POLI: variants seen among roughly 807,000 people sequenced by gnomAD.
POLI encodes the protein DNA polymerase iota.
POLI carries 58 observed loss-of-function variants against 51.6 expected under a neutral mutation model. The ratio of observed to expected loss-of-function variants is 1.12; its 90% confidence interval spans 0.91 to 1.40. The LOEUF (loss-of-function observed/expected upper bound fraction) is 1.40, where lower values mean the gene tolerates loss of function less well. Ranked by LOEUF, POLI falls within the 40% of genes most tolerant of loss-of-function variation. The pLI is 0.00. For missense variants in POLI, 921 were observed against 871.3 expected, an observed-to-expected ratio of 1.06 and a Z score of -0.72; for synonymous variants, 322 against 299.7, an observed-to-expected ratio of 1.07 and a Z score of -0.77.
chr18:54,295,587 T>A lies in POLI; in HGVS notation c.*1120T>A. On this transcript the variant is annotated 3_prime_UTR_variant, in exon 10 of 10. Coordinates refer to ENST00000579534, the MANE Select transcript of POLI (RefSeq NM_007195.3). ...AAGTACACAAATATGAACCAAAGAG[T>A]AGCTTAAAAATACTTTCTTCTAGGT... 1.3e-6 allele frequency: 1 copy of A among 786,542 alleles called. No individual in the cohort carries two copies. Among genetic ancestry groups the A allele is most frequent in the Non-Finnish European group, 1.5e-6 (1 of 649,434 alleles). 48.7% of individuals were successfully genotyped at this position (786,542 alleles called of 1,614,324 possible).
In POLI at chr18:54,285,521, AGTGTGTGTGTGTGTGTGT is replaced by A. The variant is rs61280100; in HGVS notation, c.1067+1525_1067+1542del. On this transcript the variant is annotated intron_variant, in intron 7 of 9. Coordinates refer to ENST00000579534, the MANE Select transcript of POLI (RefSeq NM_007195.3). ...GACTTGCAAAAAAAAAAATTACAGGAGTGTGTGTGTGTGTGTGTGTGTGTGTGTGTGTGTATTTGTGTA... is the reference window on the plus strand; with the variant it reads ...GACTTGCAAAAAAAAAAATTACAGGAGTGTGTGTGTGTGTGTATTTGTGTA... Among the ~76,000 whole-genome samples, 9 of 144,760 alleles carry A rather than the reference AGTGTGTGTGTGTGTGTGT, an allele frequency of 6.2e-5. No homozygotes were observed. In the East Asian group the frequency reaches 1.9e-3, roughly 30 times the overall value. The allele number at this position is 144,760 out of a possible 152,430, so 95.0% of individuals were successfully genotyped here.
chr18:54,271,569 C>A, intron 2 of POLI, 84 bp downstream of exon 2: 2 of 981,934 alleles, frequency 2.0e-6, no homozygotes, highest in Non-Finnish European at 2.9e-6. Flanking sequence ...ATTTATTAAC[C>A]TTATTAAGAA....
intron 3 of POLI, among the ~76,000 whole-genome samples, chr18:54,317,707 TA>T (rs919856656): frequency 6.6e-6 from 1 of 151,736 alleles, no homozygotes; most frequent in Admixed American, 6.6e-5. Flanking sequence ...TTACAAAAAT[TA>T]AAAAAAATTA....
At chr18:54,299,244 G>A (rs953659360), downstream of POLI, among the ~76,000 whole-genome samples, 2 of 152,098 alleles carry the variant, frequency 1.3e-5, no homozygotes, top group Admixed American at 1.3e-4. Context: ...AGACCAACCT[G>A]GGCAACATGG....
At chr18:54,287,518 G>A in intron 8 of POLI, 107 bp downstream of exon 8, 1 of 716,556 alleles carries the variant, frequency 1.4e-6, no homozygotes, top group Non-Finnish European at 2.4e-6. Flanking sequence ...CAGGGAATTA[G>A]CAAGCAATTA....
chr18:54,294,619 C>T lies in POLI; in HGVS notation c.*152C>T, dbSNP rs1186143088. ...CAAGAATAGTTGCAAGAAGTAAATT[C>T]TGGCACAAAGCGTAAAAATATAACA... On this transcript the variant is annotated 3_prime_UTR_variant, in exon 10 of 10. Transcript: ENST00000579534. 7.7e-7 allele frequency: 1 copy of T among 1,299,498 alleles called. No individual in the cohort carries two copies. The highest frequency in any genetic ancestry group is 3.6e-5 in the Admixed American group (1 of 27,558). The allele number at this position is 1,299,498 out of a possible 1,614,324, so 80.5% of individuals were successfully genotyped here.
intron 3 of POLI, among the ~76,000 whole-genome samples, chr18:54,305,572 G>T (rs2088569154): frequency 7.0e-6 from 1 of 142,522 alleles, no homozygotes; most frequent in Non-Finnish European, 1.6e-5. Context: ...TCTGTTATTG[G>T]TGTATATGAA....
At chr18:54,309,454 T>A (rs2088637032) in intron 3 of POLI, among the ~76,000 whole-genome samples, 3 of 152,230 alleles carry the variant, frequency 2.0e-5, no homozygotes, top group African/African-American at 7.2e-5. Context: ...ATCCTTCCTC[T>A]GGAAGCTTTG....
chr18:54,291,758 C>T, intron 8 of POLI, 75 bp from the exon 9 acceptor site: 1 of 681,812 alleles, frequency 1.5e-6, no homozygotes, highest in South Asian at 2.4e-5. Flanking sequence ...ATTTTAATTT[C>T]TTAATCTCAG....
rs140269833 is a variant in POLI at position 54,309,871 on chromosome 18, A to G, written c.334-10402A>G. ...CTGCACTAGCAGTGAGCAAGGCTCC[A>G]TGGGCATGGGACCTGCTGAGCCTTG... On this transcript the variant is annotated intron_variant, in intron 3 of 4. Coordinates refer to the POLI transcript ENST00000579823. Among the ~76,000 whole-genome samples the G allele has an allele frequency of 7.8e-3, 1,188 of 152,304 alleles. 11 individuals are homozygous for G. The highest frequency in any genetic ancestry group is 9.5e-3 in the Non-Finnish European group (648 of 68,020).
In POLI at chr18:54,273,938, A is replaced by G; in HGVS notation, c.254A>G (p.Lys85Arg). The change falls in exon 3 of 10, where the codon AAA (lysine) becomes AGA (arginine). Residue 85 changes from lysine to arginine, a missense_variant. Lys to Arg is a conservative substitution (Grantham distance 26, BLOSUM62 2). Coordinates refer to ENST00000579534, the MANE Select transcript of POLI (RefSeq NM_007195.3). ...ATATTTTTTACAGGGGTTCAACAGA[A>G]ATATTTGGTGGTTACCTGCAACTAT... ...LKDKPLGVQQKYLVVTCNYEA... is the reference protein window; with the variant it reads ...LKDKPLGVQQRYLVVTCNYEA... 6.5e-7 allele frequency: 1 copy of G among 1,540,202 alleles called. No individual in the cohort carries two copies. The highest frequency in any genetic ancestry group is 2.4e-5 in the East Asian group (1 of 42,324).
At chr18:54,303,283 A>AGG (rs2088523957) in intron 3 of POLI, among the ~76,000 whole-genome samples, 1 of 152,168 alleles carries the variant, frequency 6.6e-6, no homozygotes. Flanking sequence ...TAAACTACCT[A>AGG]GATTGTTCTG....
downstream of POLI, among the ~76,000 whole-genome samples, chr18:54,299,653 C>T (rs1011491143): frequency 2.0e-5 from 3 of 152,158 alleles, no homozygotes; most frequent in African/African-American, 7.2e-5. Flanking sequence ...CAGGCTAATA[C>T]ATGTCTTATT....
Position 54,294,642 on chromosome 18 carries a change from A to G in POLI, c.*175A>G, listed in dbSNP as rs188957605. The G allele has an allele frequency of 8.0e-5, 102 of 1,277,574 alleles. No homozygotes were observed. In the African/African-American group the frequency reaches 1.4e-3, roughly 17 times the overall value. 79.1% of individuals were successfully genotyped at this position (1,277,574 alleles called of 1,614,324 possible). A position where few individuals can be genotyped will look rare whatever the true frequency, so the allele number is the denominator to read the frequency against. Reference sequence around the variant, plus strand: ...TTCTGGCACAAAGCGTAAAAATATAACAGAAGAAATAATGTAAAATACTAT... The same window carrying G: ...TTCTGGCACAAAGCGTAAAAATATAGCAGAAGAAATAATGTAAAATACTAT... On this transcript the variant is annotated 3_prime_UTR_variant, in exon 10 of 10. Transcript: ENST00000579534.
chr18:54,283,776 A>G (rs184872075), intron 6 of POLI, 146 bp from the exon 7 acceptor site: 45 of 472,008 alleles, frequency 9.5e-5, no homozygotes, highest in African/African-American at 7.9e-4. Context: ...AAAACTGTTA[A>G]TATAAAAGTG....
chr18:54,307,464 T>G (rs972128639), intron 3 of POLI, among the ~76,000 whole-genome samples: 2 of 152,184 alleles, frequency 1.3e-5, no homozygotes, highest in African/African-American at 4.8e-5. Context: ...TGTTGTGACT[T>G]CTGTTCTTTT....
intron 7 of POLI, among the ~76,000 whole-genome samples, chr18:54,285,119 C>T (rs1220655433): frequency 1.3e-5 from 2 of 152,174 alleles, no homozygotes; most frequent in African/African-American, 4.8e-5. Context: ...ACTCAAATGT[C>T]TTGAGCAGAG....
In POLI at chr18:54,308,450, C is replaced by A. The variant is rs961344573; in HGVS notation, c.334-11823C>A. Among the ~76,000 whole-genome samples the A allele has an allele frequency of 5.9e-5, 9 of 152,306 alleles. 1 individual carries two copies. The highest frequency in any genetic ancestry group is 4.6e-4 in the Admixed American group (7 of 15,290). On this transcript the variant is annotated intron_variant, in intron 3 of 4. Transcript: ENST00000579823. ...CTTGTACAATTTCTGCCGAGCGATC[C>A]GCTGTTAGTCTGATGGGCTTCCCTT...
At chr18:54,318,642 A>C (rs2088761942) in intron 3 of POLI, among the ~76,000 whole-genome samples, 1 of 152,154 alleles carries the variant, frequency 6.6e-6, no homozygotes, top group Non-Finnish European at 1.5e-5. Context: ...TTTCATTAAA[A>C]GTATATCTGC....
Sources: allele counts gnomAD v4.1 joint callset (sites outside exome capture counted in the v4.1 genomes callset), GRCh38; gene constraint gnomAD v4.1.1; transcripts MANE v1.5; gene names NCBI Gene and HGNC (gene_info 2026-07-23, HGNC 2026-07-21).